The following USP54 variants were observed in gnomAD, a reference collection of about 807,000 sequenced individuals.
USP54 encodes the protein ubiquitin carboxyl-terminal hydrolase 54.
In USP54, 87 loss-of-function variants were observed where a neutral mutation model predicts 170.5. That is an observed-to-expected ratio of 0.51 (90% CI 0.43 to 0.61). The LOEUF is 0.61. Among genes scored for constraint, USP54 ranks in the 20% least tolerant of loss-of-function variants. The pLI is 0.00. For missense variants in USP54, 1,786 were observed against 2,047.8 expected, an observed-to-expected ratio of 0.87 and a Z score of 2.47; for synonymous variants, 655 against 742.8, an observed-to-expected ratio of 0.88 and a Z score of 1.92.
intron 20 of USP54, among the ~76,000 whole-genome samples, chr10:73,509,909 C>T (rs2059926180): frequency 6.6e-6 from 1 of 152,110 alleles, no homozygotes; most frequent in South Asian, 2.1e-4. Flanking sequence ...ACTCAGGAAG[C>T]TGCAGTGGGA....
intron 9 of USP54, among the ~76,000 whole-genome samples, chr10:73,540,901 A>G (rs2066485750): frequency 6.6e-6 from 1 of 152,196 alleles, no homozygotes. Context: ...TCCCAGTATT[A>G]TCCCAGACAT....
chr10:73,512,919 A>G (rs1457530502), intron 20 of USP54, among the ~76,000 whole-genome samples: 1 of 152,026 alleles, frequency 6.6e-6, no homozygotes, highest in Non-Finnish European at 1.5e-5. Context: ...CAACTACTCA[A>G]GGGGCTGAGG....
chr10:73,607,338 A>AAAAAAAAAAAAAAAAAAAAG (rs2079743546), intron 1 of USP54, among the ~76,000 whole-genome samples: 1 of 40,922 alleles, frequency 2.4e-5, no homozygotes, highest in African/African-American at 8.3e-5. Context: ...AAAAAAAAAG[A>AAAAAAAAAAAAAAAAAAAAG]AAAAAAAAAA....
intron 16 of USP54, among the ~76,000 whole-genome samples, chr10:73,524,014 T>A: frequency 6.6e-6 from 1 of 150,692 alleles, no homozygotes; most frequent in Admixed American, 6.6e-5. Context: ...TTCAAGCGAT[T>A]CTTCTGCCTC....
At chr10:73,532,277 A>ATTCTCCTGCCTCAGCCTCCTGAG (rs2064154662) in intron 12 of USP54, among the ~76,000 whole-genome samples, 1 of 151,664 alleles carries the variant, frequency 6.6e-6, no homozygotes, top group Non-Finnish European at 1.5e-5. Flanking sequence ...GGTTCACGCC[A>ATTCTCCTGCCTCAGCCTCCTGAG]TTCTCCTGCC....
chr10:73,541,285 G>A, intron 9 of USP54, 90 bp downstream of exon 9: 1 of 1,550,172 alleles, frequency 6.5e-7, no homozygotes, highest in East Asian at 2.2e-5. Context: ...TTGTCATCTA[G>A]GACATACCTG....
At chr10:73,580,140 A>G (rs2076692172) in intron 1 of USP54, among the ~76,000 whole-genome samples, 2 of 151,916 alleles carry the variant, frequency 1.3e-5, no homozygotes, top group South Asian at 4.1e-4. Flanking sequence ...CCTGGCCAAC[A>G]TGGTGAAACC....
chr10:73,597,229 T>C (rs1156599837), intron 1 of USP54, among the ~76,000 whole-genome samples: 1 of 152,204 alleles, frequency 6.6e-6, no homozygotes, highest in Admixed American at 6.5e-5. Context: ...ACACAGCCCT[T>C]TCCCAGAACA....
intron 4 of USP54, among the ~76,000 whole-genome samples, chr10:73,561,321 G>C (rs904129301): frequency 2.0e-5 from 3 of 151,996 alleles, no homozygotes; most frequent in African/African-American, 7.2e-5. Flanking sequence ...TAGATAGATA[G>C]CATTTCTAAA....
chr10:73,542,132 C>T (rs569662623), intron 7 of USP54, among the ~76,000 whole-genome samples: 1 of 152,328 alleles, frequency 6.6e-6, no homozygotes, highest in South Asian at 2.1e-4. Context: ...CAGGGTCTCG[C>T]TCTGTTACCT....
At chr10:73,562,009 G>A (rs988343530) in intron 4 of USP54, among the ~76,000 whole-genome samples, 2 of 151,980 alleles carry the variant, frequency 1.3e-5, no homozygotes, top group East Asian at 1.9e-4. Flanking sequence ...GCTGAGGCAC[G>A]AGAATTGTTT....
At chr10:73,594,999 C>A (rs890693300), upstream of USP54, among the ~76,000 whole-genome samples, 1 of 151,830 alleles carries the variant, frequency 6.6e-6, no homozygotes, top group African/African-American at 2.4e-5. Flanking sequence ...AATCTCAGCT[C>A]ACTGCAATCT....
chr10:73,624,947 T>C (rs80316050), intron 1 of USP54, among the ~76,000 whole-genome samples: 5,353 of 152,300 alleles, frequency 0.035, 151 homozygotes, highest in South Asian at 0.11. Context: ...TATCCCTAGA[T>C]TTAGTGTTCA....
intron 20 of USP54, chr10:73,506,859 T>A (rs1032287679): frequency 6.6e-6 from 1 of 152,018 alleles, no homozygotes; most frequent in African/African-American, 2.4e-5. Flanking sequence ...AATATATTTA[T>A]CCTGTTGCCC....
At position 73,528,801 on chromosome 10, in the gene USP54, C is replaced by T. The variant is rs2063459450; in HGVS notation, c.2060+879G>A. On this transcript the variant is annotated intron_variant, in intron 15 of 23. Transcript: ENST00000687698. ...GCCTGACCTAATCTGTTCTTTAATA[C>T]ATTTTTTTACTGTGTATATTTAAGG... Among the ~76,000 whole-genome samples, 3 of 152,160 alleles carry T rather than the reference C, an allele frequency of 2.0e-5. No individual in the cohort carries two copies. In the South Asian group the frequency reaches 6.2e-4, roughly 32 times the overall value.
chr10:73,551,869 T>G (rs914930619), intron 4 of USP54, among the ~76,000 whole-genome samples: 1 of 152,242 alleles, frequency 6.6e-6, no homozygotes, highest in African/African-American at 2.4e-5. Flanking sequence ...CTTCTTCAAC[T>G]GGATTTCCTC....
intron 19 of USP54, chr10:73,518,120 G>A (rs1484888841): frequency 1.1e-6 from 1 of 948,322 alleles, no homozygotes; most frequent in Non-Finnish European, 1.3e-6. Context: ...TGGAAGGTAA[G>A]CAAAGCCTGA....
chr10:73,566,431 A>G (rs1204877673), intron 4 of USP54, among the ~76,000 whole-genome samples: 2 of 152,018 alleles, frequency 1.3e-5, no homozygotes, highest in African/African-American at 4.8e-5. Flanking sequence ...GTAGTAAAAC[A>G]CCAGATAAAA....
At chr10:73,578,944 T>C (rs1453311001) in intron 1 of USP54, among the ~76,000 whole-genome samples, 1 of 102,616 alleles carries the variant, frequency 9.7e-6, no homozygotes, top group Non-Finnish European at 1.9e-5. Context: ...AAAGATTCCT[T>C]TTTTTTTTTT....
Sources: allele counts gnomAD v4.1 joint callset (sites outside exome capture counted in the v4.1 genomes callset), GRCh38; gene constraint gnomAD v4.1.1; transcripts MANE v1.5; gene names NCBI Gene and HGNC (gene_info 2026-07-23, HGNC 2026-07-21).